OR2A1: variants seen among roughly 807,000 people sequenced by gnomAD.
OR2A1 encodes olfactory receptor family 2 subfamily A member 1.
For missense variants in OR2A1, 1 was observed against 212.3 expected, an observed-to-expected ratio of 0.00 and a Z score of 6.19; for synonymous variants, 2 against 94.7, an observed-to-expected ratio of 0.02 and a Z score of 5.68.
Position 144,322,627 on chromosome 7 carries a change from T to G in OR2A1, c.*3570T>G, listed in dbSNP as rs2053181111. ...CAAGACCAGGCAGTCTGACTGTAAA[T>G]AAATTCTGAGCCACTCTCTTGCAGA... is the stretch of plus-strand genomic sequence containing the variant. On this transcript the variant is annotated 3_prime_UTR_variant, in exon 2 of 2. Transcript: ENST00000641044. 1 of 150,122 alleles carries G rather than the reference T, an allele frequency of 6.7e-6. No homozygotes were observed. Among genetic ancestry groups the G allele is most frequent in the Non-Finnish European group, 1.5e-5 (1 of 67,614 alleles). 9.3% of individuals were successfully genotyped at this position (150,122 alleles called of 1,614,324 possible).
intron 1 of OR2A1, among the ~76,000 whole-genome samples, chr7:144,317,354 C>A (rs1398979667): frequency 1.3e-5 from 2 of 152,014 alleles, no homozygotes; most frequent in Non-Finnish European, 2.9e-5. Flanking sequence ...AACGCAGTGG[C>A]AAACATAACA....
In OR2A1 at chr7:144,313,479, A is replaced by G. The variant is rs528814165; in HGVS notation, c.-5+932A>G. ...GCTTGCTTAAATCTTGCCTACTATA[A>G]TCGGTATACTTGAAAGACACTACTA... On this transcript the variant is annotated intron_variant, in intron 1 of 1. Transcript: ENST00000641044. 7.3e-4 allele frequency among the ~76,000 whole-genome samples: 99 copies of G among 136,094 alleles called. No individual in the cohort carries two copies. The Middle Eastern group carries it at 0.011, about 15-fold the overall frequency. The allele number at this position is 136,094 out of a possible 152,430, so 89.3% of individuals were successfully genotyped here. A position where few individuals can be genotyped will look rare whatever the true frequency, so the allele number is the denominator to read the frequency against.
chr7:144,313,396 G>T (rs1586998614), intron 1 of OR2A1, among the ~76,000 whole-genome samples: 2 of 60,264 alleles, frequency 3.3e-5, no homozygotes, highest in African/African-American at 1.2e-4. Context: ...ATCATTTTTT[G>T]GTTTTTTTTG....
At position 144,322,682 on chromosome 7, in the gene OR2A1, T is replaced by C. The variant is rs62485487; in HGVS notation, c.*3625T>C. On this transcript the variant is annotated 3_prime_UTR_variant, in exon 2 of 2. Transcript: ENST00000641044. ...CTCCTGATATTCATCTCCTGAATGGTTGGCAACAGGCCTGTTCATAGTAGA... is the reference window on the plus strand; with the variant it reads ...CTCCTGATATTCATCTCCTGAATGGCTGGCAACAGGCCTGTTCATAGTAGA... 0.16 allele frequency: 22,980 copies of C among 142,624 alleles called. 682 individuals are homozygous for C. The highest frequency in any genetic ancestry group is 0.22 in the Non-Finnish European group (13,780 of 63,106). The allele number at this position is 142,624 out of a possible 1,614,324, so 8.8% of individuals were successfully genotyped here.
chr7:144,314,577 C>T (rs1362972939), intron 1 of OR2A1, among the ~76,000 whole-genome samples: 2 of 81,624 alleles, frequency 2.5e-5, no homozygotes, highest in African/African-American at 6.7e-5. Context: ...TCAAGCAATC[C>T]TCCTGCCTCA....
At chr7:144,315,845 T>G (rs1483622544) in intron 1 of OR2A1, among the ~76,000 whole-genome samples, 1 of 91,794 alleles carries the variant, frequency 1.1e-5, no homozygotes, top group African/African-American at 3.2e-5. Context: ...AAATATTTAT[T>G]TAAAAAAATT....
At chr7:144,315,888 A>T (rs2128836655) in intron 1 of OR2A1, among the ~76,000 whole-genome samples, 1 of 86,432 alleles carries the variant, frequency 1.2e-5, no homozygotes, top group East Asian at 4.8e-4. Flanking sequence ...CTGTAATCCC[A>T]GCTACTTGGG....
At chr7:144,316,583 G>A (rs1283576753) in intron 1 of OR2A1, among the ~76,000 whole-genome samples, 1 of 152,048 alleles carries the variant, frequency 6.6e-6, no homozygotes, top group Non-Finnish European at 1.5e-5. Flanking sequence ...GAGAACATTC[G>A]GTATTTGGTT....
chr7:144,313,419 T>TG lies in OR2A1; in HGVS notation c.-5+872_-5+873insG, dbSNP rs201184417. 1.1e-4 allele frequency among the ~76,000 whole-genome samples: 10 copies of TG among 87,690 alleles called. No homozygotes were observed. The East Asian group carries it at 1.4e-3, about 13-fold the overall frequency. 57.5% of individuals were successfully genotyped at this position (87,690 alleles called of 152,430 possible). A position where few individuals can be genotyped will look rare whatever the true frequency, so the allele number is the denominator to read the frequency against. ...TTGGTTTTTTTTGTTGTTGTTTGTTTTTTTACCATCTTTGGACTGAATCTG... is the reference window on the plus strand; with the variant it reads ...TTGGTTTTTTTTGTTGTTGTTTGTTTGTTTTACCATCTTTGGACTGAATCTG... On this transcript the variant is annotated intron_variant, in intron 1 of 1. Transcript: ENST00000641044.
At position 144,322,316 on chromosome 7, in the gene OR2A1, G is replaced by C. The variant is rs2053176317; in HGVS notation, c.*3259G>C. The C allele has an allele frequency of 6.7e-6, 1 of 148,876 alleles. No homozygotes were observed. Among genetic ancestry groups the C allele is most frequent in the Non-Finnish European group, 1.5e-5 (1 of 67,350 alleles). 9.2% of individuals were successfully genotyped at this position (148,876 alleles called of 1,614,324 possible). A position where few individuals can be genotyped will look rare whatever the true frequency, so the allele number is the denominator to read the frequency against. ...ATACATAGAGGACACTTTATCTGTT[G>C]ACCCCATTTCCAAATTTTCAGTGTT... is the stretch of plus-strand genomic sequence containing the variant. On this transcript the variant is annotated 3_prime_UTR_variant, in exon 2 of 2. Coordinates refer to ENST00000641044, the MANE Select transcript of OR2A1 (RefSeq NM_001005287.2).
chr7:144,322,646 T>C lies in OR2A1; in HGVS notation c.*3589T>C, dbSNP rs1433841219. ...TGTAAATAAATTCTGAGCCACTCTC[T>C]TGCAGAGGACCTCCTGATATTCATC... is the stretch of plus-strand genomic sequence containing the variant. On this transcript the variant is annotated 3_prime_UTR_variant, in exon 2 of 2. Coordinates refer to ENST00000641044, the MANE Select transcript of OR2A1 (RefSeq NM_001005287.2). 1 of 150,164 alleles carries C rather than the reference T, an allele frequency of 6.7e-6. No homozygotes were observed. The highest frequency in any genetic ancestry group is 1.5e-5 in the Non-Finnish European group (1 of 67,624). The allele number at this position is 150,164 out of a possible 1,614,324, so 9.3% of individuals were successfully genotyped here.
rs2053180355 is a variant in OR2A1, at chr7:144,322,570, T to A, written c.*3513T>A. Reference sequence around the variant, plus strand: ...GTGTAATTAATTAATTTATTCAAGGTCGCCAAATCATTCAGTGGTAGAAAC... The same window carrying A: ...GTGTAATTAATTAATTTATTCAAGGACGCCAAATCATTCAGTGGTAGAAAC... On this transcript the variant is annotated 3_prime_UTR_variant, in exon 2 of 2. Coordinates refer to ENST00000641044, the MANE Select transcript of OR2A1 (RefSeq NM_001005287.2). 1 of 150,502 alleles carries A rather than the reference T, an allele frequency of 6.6e-6. No individual in the cohort carries two copies. The highest frequency in any genetic ancestry group is 2.5e-5 in the African/African-American group (1 of 40,768). The allele number at this position is 150,502 out of a possible 1,614,324, so 9.3% of individuals were successfully genotyped here.
chr7:144,313,248 T>C (rs1378240630), intron 1 of OR2A1, among the ~76,000 whole-genome samples: 1 of 102,218 alleles, frequency 9.8e-6, no homozygotes, highest in African/African-American at 3.6e-5. Flanking sequence ...TCATATTTAA[T>C]CAAATTGATA....
At position 144,320,409 on chromosome 7, in the gene OR2A1, C is replaced by G. The variant is rs1410518533; in HGVS notation, c.*1352C>G. The G allele has an allele frequency of 8.7e-6, 1 of 114,348 alleles. No individual in the cohort carries two copies. The highest frequency in any genetic ancestry group is 2.5e-4 in the East Asian group (1 of 4,026). The allele number at this position is 114,348 out of a possible 1,614,324, so 7.1% of individuals were successfully genotyped here. A position where few individuals can be genotyped will look rare whatever the true frequency, so the allele number is the denominator to read the frequency against. Reference sequence around the variant, plus strand: ...CTAGTTCACATACAACACTCACATGCTCACGTACATGCGTGTGCACACACA... The same window carrying G: ...CTAGTTCACATACAACACTCACATGGTCACGTACATGCGTGTGCACACACA... On this transcript the variant is annotated 3_prime_UTR_variant, in exon 2 of 2. Transcript: ENST00000641044.
intron 1 of OR2A1, among the ~76,000 whole-genome samples, chr7:144,313,422 T>C (rs1381008028): frequency 1.2e-4 from 11 of 95,478 alleles, no homozygotes; most frequent in Non-Finnish European, 1.9e-4. Flanking sequence ...GTTTGTTTTT[T>C]TACCATCTTT....
At position 144,313,263 on chromosome 7, in the gene OR2A1, G is replaced by A. The variant is rs1313286766; in HGVS notation, c.-5+716G>A. On this transcript the variant is annotated intron_variant, in intron 1 of 1. Transcript: ENST00000641044. The stretch of plus-strand genomic sequence containing the variant: ...TCATATTTAATCAAATTGATATCTA[G>A]TTAGTCAATAAATAATTATTGAATA... Among the ~76,000 whole-genome samples, 2 of 101,076 alleles carry A rather than the reference G, an allele frequency of 2.0e-5. 1 individual carries two copies. Among genetic ancestry groups the A allele is most frequent in the African/African-American group, 7.3e-5 (2 of 27,388 alleles). The allele number at this position is 101,076 out of a possible 152,430, so 66.3% of individuals were successfully genotyped here.
At chr7:144,317,324 C>G (rs1416524904) in intron 1 of OR2A1, among the ~76,000 whole-genome samples, 1 of 151,928 alleles carries the variant, frequency 6.6e-6, no homozygotes, top group African/African-American at 2.4e-5. Flanking sequence ...AAAGGAGAGA[C>G]TAGAAAAGAA....
chr7:144,312,108 G>A (rs547199172), upstream of OR2A1, among the ~76,000 whole-genome samples: 15 of 100,898 alleles, frequency 1.5e-4, no homozygotes, highest in African/African-American at 4.4e-4. Context: ...CAAGCATTCC[G>A]GGACTATAAT....
At position 144,320,419 on chromosome 7, in the gene OR2A1, TGC is replaced by T. The variant is rs1563101297; in HGVS notation, c.*1364_*1365del. On this transcript the variant is annotated 3_prime_UTR_variant, in exon 2 of 2. Coordinates refer to ENST00000641044, the MANE Select transcript of OR2A1 (RefSeq NM_001005287.2). Reference sequence around the variant, plus strand: ...TACAACACTCACATGCTCACGTACATGCGTGTGCACACACACACACACACACA... The same window carrying T: ...TACAACACTCACATGCTCACGTACATGTGTGCACACACACACACACACACA... 1.1e-5 allele frequency: 1 copy of T among 93,348 alleles called. No individual in the cohort carries two copies. The highest frequency in any genetic ancestry group is 1.9e-5 in the Non-Finnish European group (1 of 51,514). 5.8% of individuals were successfully genotyped at this position (93,348 alleles called of 1,614,324 possible).
Sources: allele counts gnomAD v4.1 joint callset (sites outside exome capture counted in the v4.1 genomes callset), GRCh38; gene constraint gnomAD v4.1.1; transcripts MANE v1.5; gene names NCBI Gene and HGNC (gene_info 2026-07-23, HGNC 2026-07-21).